The following MAST1 variants were observed in gnomAD, a reference collection of about 807,000 sequenced individuals.
MAST1 encodes microtubule associated serine/threonine kinase 1, also known as microtubule-associated serine/threonine-protein kinase 1.
A neutral mutation model predicts 124.6 loss-of-function variants in MAST1; 40 were observed. That is an observed-to-expected ratio of 0.32 (90% CI 0.25 to 0.42). The LOEUF (loss-of-function observed/expected upper bound fraction) is 0.42, where lower values mean the gene tolerates loss of function less well. Ranked by LOEUF, MAST1 falls within the 10% of genes least tolerant of loss-of-function variation. The pLI is 1.00. For missense variants in MAST1, 1,558 were observed against 2,181.9 expected (o/e 0.71, Z 5.70); for synonymous variants, 938 against 939.4 (o/e 1.00, Z 0.03).
At position 12,874,926 on chromosome 19, in the gene MAST1, TAAA is replaced by T; in HGVS notation, c.*57_*59del. ...GCCTCCGTATACATATGTACACATA[TAAA>T]TAAAGTGCGTCCGTGCTGCGTGAGT... On this transcript the variant is annotated 3_prime_UTR_variant, in exon 26 of 26. Transcript: ENST00000251472. This position sits in a 1 kb window ranked among gnomAD's most constrained non-coding sequence, Gnocchi z 6.6. 1 of 1,537,110 alleles carries T rather than the reference TAAA, an allele frequency of 6.5e-7. No individual in the cohort carries two copies. The highest frequency in any genetic ancestry group is 8.7e-7 in the Non-Finnish European group (1 of 1,144,076).
At position 12,841,213 on chromosome 19, in the gene MAST1, G is replaced by A. The variant is rs570379516; in HGVS notation, c.248+147G>A. 2.0e-5 allele frequency: 12 copies of A among 600,156 alleles called. No individual in the cohort carries two copies. In the East Asian group the frequency reaches 3.2e-4, roughly 16 times the overall value. 37.2% of individuals were successfully genotyped at this position (600,156 alleles called of 1,614,324 possible). Reference sequence around the variant, plus strand: ...CCCCAAGGTCTCAGCGGGAAGGAGCGCCTAGCCTTCGGGGCGGGGCCTATA... The same window carrying A: ...CCCCAAGGTCTCAGCGGGAAGGAGCACCTAGCCTTCGGGGCGGGGCCTATA... On this transcript the variant is annotated intron_variant, in intron 3 of 25. Transcript: ENST00000251472. This position sits in a 1 kb window ranked among gnomAD's most constrained non-coding sequence, Gnocchi z 4.3.
At chr19:12,842,737 A>G (rs530962488) in intron 3 of MAST1, among the ~76,000 whole-genome samples, 3 of 152,174 alleles carry the variant, frequency 2.0e-5, no homozygotes, top group East Asian at 1.9e-4. Flanking sequence ...GCAAGTTTCA[A>G]TGTGTGGTAG....
chr19:12,842,637 T>C (rs2145885067), intron 3 of MAST1, among the ~76,000 whole-genome samples: 1 of 152,310 alleles, frequency 6.6e-6, no homozygotes, highest in South Asian at 2.1e-4. Flanking sequence ...CACATGCTAA[T>C]GTGTGTTGTG....
rs752445514 is a variant in MAST1, at chr19:12,858,377, G to T, written c.1093G>T (p.Ala365Ser). The change falls in exon 11 of 26, where the codon GCC becomes TCC. Residue 365 changes from alanine to serine, a missense_variant. Physicochemically the swap from Ala to Ser is moderately conservative, Grantham distance 99 (BLOSUM62 1). Transcript: ENST00000251472. ...DDLSEGRSSK[A>S]KKPPGENDFD... ...TTTCCTGAAGGGCCGCAGCAGCAAG[G>T]CCAAGAAACCGCCGGGGGAGAATGA... 1.2e-6 allele frequency: 2 copies of T among 1,610,116 alleles called. No individual in the cohort carries two copies. Among genetic ancestry groups the T allele is most frequent in the Non-Finnish European group, 1.7e-6 (2 of 1,177,994 alleles).
chr19:12,858,506 C>A, intron 11 of MAST1, 25 bp from the exon 12 acceptor site: 5 of 1,612,120 alleles, frequency 3.1e-6, no homozygotes, highest in Non-Finnish European at 4.2e-6. Flanking sequence ...AGGTGACGGC[C>A]GGTCCTCGCT....
At chr19:12,844,672 T>C (rs889347692) in intron 4 of MAST1, among the ~76,000 whole-genome samples, 3 of 152,046 alleles carry the variant, frequency 2.0e-5, no homozygotes, top group Non-Finnish European at 2.9e-5. Flanking sequence ...TGCAAACCTC[T>C]AGAGGCCACA....
rs1327435114 is a variant in MAST1 at position 12,865,678 on chromosome 19, A to G, written c.1805-39A>G. ...GAGATCCTGTGTCCAAACAACAACA[A>G]CAACAAAAACCGCCCCTAAGTTCCG... On this transcript the variant is annotated intron_variant, in intron 15 of 25. Transcript: ENST00000251472. This position sits in a 1 kb window ranked among gnomAD's most constrained non-coding sequence, Gnocchi z 7.1. The G allele has an allele frequency of 2.6e-6, 4 of 1,553,298 alleles. No individual in the cohort carries two copies. In the South Asian group the frequency reaches 3.5e-5, roughly 14 times the overall value.
chr19:12,852,541 A>G, intron 10 of MAST1, 146 bp downstream of exon 10: 1 of 774,758 alleles, frequency 1.3e-6, no homozygotes. Context: ...AATGGGATTA[A>G]TAATAGCTCT....
At chr19:12,868,958 G>C in intron 21 of MAST1, 108 bp from the exon 22 acceptor site, 1 of 1,534,574 alleles carries the variant, frequency 6.5e-7, no homozygotes, top group Non-Finnish European at 8.9e-7. Flanking sequence ...CTCCAGGCTG[G>C]ACCAATGAGA....
At position 12,867,223 on chromosome 19, in the gene MAST1, A is replaced by T. The variant is rs544624223; in HGVS notation, c.2140-251A>T. 1.8e-4 allele frequency among the ~76,000 whole-genome samples: 27 copies of T among 152,288 alleles called. 1 individual carries two copies. The East Asian group carries it at 4.4e-3, about 25-fold the overall frequency. ...ACATAAATTAAGGGGGTTGCTGGGAAGATGGGGCTGTGTAGAGAGCAGATT... is the reference window on the plus strand; with the variant it reads ...ACATAAATTAAGGGGGTTGCTGGGATGATGGGGCTGTGTAGAGAGCAGATT... On this transcript the variant is annotated intron_variant, in intron 18 of 25. Transcript: ENST00000251472.
At position 12,865,920 on chromosome 19, in the gene MAST1, G is replaced by T; in HGVS notation, c.1907-60G>T. The T allele has an allele frequency of 6.2e-7, 1 of 1,611,090 alleles. No individual in the cohort carries two copies. Among genetic ancestry groups the T allele is most frequent in the Non-Finnish European group, 8.5e-7 (1 of 1,178,240 alleles). Reference sequence around the variant, plus strand: ...TGTGGCCCCGGGGCGGAAGACATGGGGGGCGGGGCTGGGCTGCTGGGTTGG... The same window carrying T: ...TGTGGCCCCGGGGCGGAAGACATGGTGGGCGGGGCTGGGCTGCTGGGTTGG... On this transcript the variant is annotated intron_variant, in intron 16 of 25. Transcript: ENST00000251472. The surrounding 1 kb of genome is among the most constrained non-coding windows in gnomAD (Gnocchi z 7.1).
At chr19:12,840,229 TGA>T (rs1402821725) in intron 1 of MAST1, among the ~76,000 whole-genome samples, 1 of 152,234 alleles carries the variant, frequency 6.6e-6, no homozygotes, top group East Asian at 1.9e-4. Flanking sequence ...TAATCCATAC[TGA>T]GAGTTTCTCA....
rs1970171228 is a variant in MAST1, at chr19:12,867,601, T to C, written c.2267T>C (p.Leu756Pro). The change falls in exon 19 of 26, where the codon CTG (leucine) becomes CCG (proline). Residue 756 changes from leucine to proline, a missense_variant. Coordinates refer to ENST00000251472, the MANE Select transcript of MAST1 (RefSeq NM_014975.3). The part of the protein sequence containing the change: ...EEKVAGKREG[L>P]GGLTLREKTW... ...AAGGTGGCCGGCAAGCGGGAGGGGC[T>C]GGGCGGCCTGACCCTGCGTGAGAAG... 4 of 1,612,326 alleles carry C rather than the reference T, an allele frequency of 2.5e-6. No homozygotes were observed. The South Asian group carries it at 4.4e-5, about 18-fold the overall frequency.
rs1015942182 is a variant in MAST1, at chr19:12,866,370, T to A, written c.2029+268T>A. On this transcript the variant is annotated intron_variant, in intron 17 of 25. Transcript: ENST00000251472. The surrounding 1 kb of genome is among the most constrained non-coding windows in gnomAD (Gnocchi z 5.2). ...TGTGAGTGTGGGCCTGGAACTGAAC[T>A]AGAGAGAGGTACTAGCGCTCAGAAT... 5.3e-5 allele frequency among the ~76,000 whole-genome samples: 8 copies of A among 151,826 alleles called. No individual in the cohort carries two copies. The highest frequency in any genetic ancestry group is 1.9e-4 in the African/African-American group (8 of 41,310).
rs780606297 is a variant in MAST1, at chr19:12,858,753, C to T, written c.1366+14C>T. ...AATATGTGGAAGGTGTGGCTGCCTG[C>T]GGGGCTGCAGGGAAGATGGGGCCGT... On this transcript the variant is annotated intron_variant, in intron 12 of 25. Coordinates refer to ENST00000251472, the MANE Select transcript of MAST1 (RefSeq NM_014975.3). 1.9e-5 allele frequency: 31 copies of T among 1,613,512 alleles called. 1 individual carries two copies. The highest frequency in any genetic ancestry group is 7.7e-5 in the South Asian group (7 of 91,030).
Position 12,866,622 on chromosome 19 carries a change from C to T in MAST1, c.2030-31C>T. ...ATGTGATATGAGGAGGAACCCCGTACCCTCAGTCACAGCCCATACCCGCTC... is the reference window on the plus strand; with the variant it reads ...ATGTGATATGAGGAGGAACCCCGTATCCTCAGTCACAGCCCATACCCGCTC... On this transcript the variant is annotated intron_variant, in intron 17 of 25. Transcript: ENST00000251472. This position sits in a 1 kb window ranked among gnomAD's most constrained non-coding sequence, Gnocchi z 5.2. 1.4e-6 allele frequency: 2 copies of T among 1,445,516 alleles called. No homozygotes were observed. Among genetic ancestry groups the T allele is most frequent in the Non-Finnish European group, 1.9e-6 (2 of 1,031,984 alleles). The allele number at this position is 1,445,516 out of a possible 1,614,324, so 89.5% of individuals were successfully genotyped here. A position where few individuals can be genotyped will look rare whatever the true frequency, so the allele number is the denominator to read the frequency against.
intron 3 of MAST1, among the ~76,000 whole-genome samples, chr19:12,842,564 A>C (rs1242514261): frequency 1.3e-5 from 2 of 152,144 alleles, no homozygotes; most frequent in Non-Finnish European, 2.9e-5. Context: ...AAATGCTAGG[A>C]TTACAGGCAT....
chr19:12,864,754 T>C, intron 12 of MAST1, 55 bp from the exon 13 acceptor site: 2 of 1,606,748 alleles, frequency 1.2e-6, no homozygotes, highest in Admixed American at 1.7e-5. Context: ...CTATGGTGCA[T>C]GTCCAGAGAG....
intron 24 of MAST1, 85 bp downstream of exon 24, chr19:12,871,257 G>A: frequency 1.3e-6 from 2 of 1,570,896 alleles, no homozygotes; most frequent in Non-Finnish European, 1.7e-6. Flanking sequence ...GAGAAGGGAA[G>A]AGCACGGGAA....
Sources: allele counts gnomAD v4.1 joint callset (sites outside exome capture counted in the v4.1 genomes callset), GRCh38; gene constraint gnomAD v4.1.1; non-coding constraint Gnocchi (gnomAD v3.1); transcripts MANE v1.5; gene names NCBI Gene and HGNC (gene_info 2026-07-23, HGNC 2026-07-21).